PRKAG2: variants seen among roughly 807,000 people sequenced by gnomAD.
The protein encoded by PRKAG2 is protein kinase AMP-activated non-catalytic subunit gamma 2.
Under a neutral mutation model 69.6 loss-of-function variants are expected in PRKAG2, and 26 were observed. The ratio of observed to expected loss-of-function variants is 0.37; its 90% CI spans 0.27 to 0.52. The LOEUF is 0.52. Ranked by LOEUF, PRKAG2 falls within the 20% of genes least tolerant of loss-of-function variation. PRKAG2 has a pLI of 0.90. For synonymous variants in PRKAG2, 293 were observed against 285.0 expected (o/e 1.03, Z -0.28); for missense variants, 557 against 740.0 (o/e 0.75, Z 2.87).
chr7:151,841,939 T>C (rs555957558), intron 1 of PRKAG2, among the ~76,000 whole-genome samples: 1 of 145,402 alleles, frequency 6.9e-6, no homozygotes, highest in South Asian at 2.2e-4. Context: ...GTAGTGTTGG[T>C]AGGTAGTGAT....
Position 151,632,017 on chromosome 7 carries a change from G to A in PRKAG2, c.754+52C>T. 1 of 1,234,766 alleles carries A rather than the reference G, an allele frequency of 8.1e-7. No individual in the cohort carries two copies. Among genetic ancestry groups the A allele is most frequent in the Non-Finnish European group, 1.0e-6 (1 of 981,052 alleles). The allele number at this position is 1,234,766 out of a possible 1,614,324, so 76.5% of individuals were successfully genotyped here. On this transcript the variant is annotated intron_variant, in intron 5 of 15. Transcript: ENST00000287878. The surrounding 1 kb of genome is among the most constrained non-coding windows in gnomAD (Gnocchi z 4.2). ...GGGGTCCCCGCGGGTCCCGGTCCTC[G>A]GGCGGCCGGGCCGTGGGAGCGCCGG...
At chr7:151,806,655 C>A in intron 1 of PRKAG2, 1 of 200,376 alleles carries the variant, frequency 5.0e-6, no homozygotes, top group Non-Finnish European at 1.0e-5. Context: ...CAGAAGGAGT[C>A]TTGGGAGGAT....
chr7:151,818,625 C>T (rs1211651312), intron 1 of PRKAG2, among the ~76,000 whole-genome samples: 5 of 152,224 alleles, frequency 3.3e-5, no homozygotes, highest in Non-Finnish European at 7.3e-5. Flanking sequence ...CTTTTATGTG[C>T]CAATGCTGTC....
At chr7:151,611,602 C>A (rs1458767045) in intron 5 of PRKAG2, among the ~76,000 whole-genome samples, 2 of 152,114 alleles carry the variant, frequency 1.3e-5, no homozygotes, top group African/African-American at 4.8e-5. Context: ...AGGCGTGGAT[C>A]CAGCAGAGCC....
intron 3 of PRKAG2, among the ~76,000 whole-genome samples, chr7:151,779,773 G>A (rs189516318): frequency 1.6e-3 from 248 of 152,278 alleles, no homozygotes; most frequent in Middle Eastern, 3.4e-3. Context: ...GGCAAACTGC[G>A]CACACATCCT....
chr7:151,836,327 G>C lies in PRKAG2; in HGVS notation c.114+40180C>G, dbSNP rs1374615924. 6.6e-6 allele frequency among the ~76,000 whole-genome samples: 1 copy of C among 152,182 alleles called. No individual in the cohort carries two copies. Among genetic ancestry groups the C allele is most frequent in the African/African-American group, 2.4e-5 (1 of 41,446 alleles). ...GGTCTGACTGCAGGCTGACACACCT[G>C]GGTCCACAGGCTGGATTCTCAAGAG... On this transcript the variant is annotated intron_variant, in intron 1 of 15. Transcript: ENST00000287878. This position sits in a 1 kb window ranked among gnomAD's most constrained non-coding sequence, Gnocchi z 4.1.
intron 5 of PRKAG2, among the ~76,000 whole-genome samples, chr7:151,625,276 T>C (rs1822565600): frequency 6.6e-6 from 1 of 152,088 alleles, no homozygotes; most frequent in Non-Finnish European, 1.5e-5. Flanking sequence ...GAAGGAATGA[T>C]TCAAGGAGCA....
chr7:151,735,211 C>T (rs1207648596), intron 3 of PRKAG2, among the ~76,000 whole-genome samples: 1 of 152,034 alleles, frequency 6.6e-6, no homozygotes, highest in Admixed American at 6.6e-5. Context: ...AGGTCTTAAC[C>T]AGGTGTGGAG....
intron 1 of PRKAG2, among the ~76,000 whole-genome samples, chr7:151,795,846 CAT>C (rs55657994): frequency 0.16 from 8,829 of 55,440 alleles, 440 homozygotes; most frequent in Non-Finnish European, 0.19. Context: ...AAACAAATCT[CAT>C]ATATATATAT....
chr7:151,833,654 G>A (rs1232690875), intron 1 of PRKAG2, among the ~76,000 whole-genome samples: 2 of 152,218 alleles, frequency 1.3e-5, no homozygotes, highest in Non-Finnish European at 2.9e-5. Flanking sequence ...ACTCCAGCGG[G>A]CTTTTCAGTT....
At chr7:151,859,761 G>C (rs2079872237) in intron 1 of PRKAG2, among the ~76,000 whole-genome samples, 1 of 152,196 alleles carries the variant, frequency 6.6e-6, no homozygotes, top group African/African-American at 2.4e-5. Context: ...TTGTCCCAGT[G>C]AGAGCTGCAG....
intron 1 of PRKAG2, among the ~76,000 whole-genome samples, chr7:151,839,843 G>A (rs1180051832): frequency 6.6e-6 from 1 of 152,160 alleles, no homozygotes; most frequent in African/African-American, 2.4e-5. Flanking sequence ...CCTTCCCCAG[G>A]GACACCGTGT....
At chr7:151,745,632 C>T (rs2074232202) in intron 3 of PRKAG2, among the ~76,000 whole-genome samples, 1 of 152,200 alleles carries the variant, frequency 6.6e-6, no homozygotes, top group Non-Finnish European at 1.5e-5. Flanking sequence ...TCCACTCACA[C>T]CAGCGATATC....
At chr7:151,700,338 C>A (rs1425195050) in intron 3 of PRKAG2, among the ~76,000 whole-genome samples, 2 of 152,138 alleles carry the variant, frequency 1.3e-5, no homozygotes, top group African/African-American at 4.8e-5. Context: ...GTCTGAGGAC[C>A]AGCAGCCTGT....
At chr7:151,639,545 G>T (rs1412008499) in intron 4 of PRKAG2, among the ~76,000 whole-genome samples, 1 of 152,154 alleles carries the variant, frequency 6.6e-6, no homozygotes, top group Admixed American at 6.5e-5. Flanking sequence ...TTAGCTGGGG[G>T]CCTGGAGAGA....
chr7:151,822,802 G>C (rs2078818668), intron 1 of PRKAG2, among the ~76,000 whole-genome samples: 1 of 151,998 alleles, frequency 6.6e-6, no homozygotes, highest in South Asian at 2.1e-4. Context: ...AGGTGACAGG[G>C]ACCTGCCTCC....
intron 6 of PRKAG2, among the ~76,000 whole-genome samples, chr7:151,590,900 C>T (rs1812947447): frequency 6.6e-6 from 1 of 152,346 alleles, no homozygotes; most frequent in South Asian, 2.1e-4. Context: ...CCGGCAGTGG[C>T]TCTAACCGCT....
In PRKAG2 at chr7:151,838,859, A is replaced by G. The variant is rs563681317; in HGVS notation, c.114+37648T>C. The stretch of plus-strand genomic sequence containing the variant: ...GTGAAACCCCATCTCTACTAAAAAT[A>G]CAAAAATTAGCCAGGCGTGTTGGCT... On this transcript the variant is annotated intron_variant, in intron 1 of 15. Coordinates refer to ENST00000287878, the MANE Select transcript of PRKAG2 (RefSeq NM_016203.4). 7.2e-5 allele frequency among the ~76,000 whole-genome samples: 11 copies of G among 152,050 alleles called. No individual in the cohort carries two copies. In the South Asian group the frequency reaches 2.3e-3, roughly 32 times the overall value.
At chr7:151,569,373 TTATTTGAA>T (rs573869484) in intron 10 of PRKAG2, among the ~76,000 whole-genome samples, 96 of 152,312 alleles carry the variant, frequency 6.3e-4, no homozygotes, top group Non-Finnish European at 2.5e-4. Context: ...TTTAGTGATT[TTATTTGAA>T]AGACGATGAA....
Sources: allele counts gnomAD v4.1 joint callset (sites outside exome capture counted in the v4.1 genomes callset), GRCh38; gene constraint gnomAD v4.1.1; non-coding constraint Gnocchi (gnomAD v3.1); transcripts MANE v1.5; gene names NCBI Gene and HGNC (gene_info 2026-07-23, HGNC 2026-07-21).